The following EGLN1 variants were observed in gnomAD, a reference collection of about 807,000 sequenced individuals.
EGLN1 encodes egl nine homolog 1.
A neutral mutation model predicts 38.3 loss-of-function variants in EGLN1; 17 were observed. The observed-to-expected ratio is 0.44, with a 90% CI of 0.30 to 0.67. EGLN1 has a LOEUF of 0.67. EGLN1 is among the 30% of genes least tolerant of loss of function. The pLI is 0.08. For missense variants in EGLN1, 477 were observed against 603.3 expected (o/e 0.79, Z 2.19); for synonymous variants, 283 against 257.5 (o/e 1.10, Z -0.95).
At chr1:231,379,670 C>T (rs1688034290) in intron 1 of EGLN1, among the ~76,000 whole-genome samples, 1 of 152,132 alleles carries the variant, frequency 6.6e-6, no homozygotes, top group Admixed American at 6.5e-5. Flanking sequence ...ATAACAGATA[C>T]GTCAGTCCAC....
intron 1 of EGLN1, among the ~76,000 whole-genome samples, chr1:231,420,634 GTGGTACTCTAACACCCCTTCAC>G (rs1656549153): frequency 6.6e-6 from 1 of 152,142 alleles, no homozygotes; most frequent in South Asian, 2.1e-4. Flanking sequence ...CTTGCTTTGG[GTGGTACTCTAACACCCCTTCAC>G]TGGGTGGCTA....
At chr1:231,399,214 C>T (rs1688605150) in intron 1 of EGLN1, among the ~76,000 whole-genome samples, 1 of 152,152 alleles carries the variant, frequency 6.6e-6, no homozygotes, top group African/African-American at 2.4e-5. Context: ...TCAGCAACTA[C>T]AGTGTTTCAG....
At chr1:231,385,964 T>G (rs1688194637) in intron 1 of EGLN1, among the ~76,000 whole-genome samples, 1 of 152,140 alleles carries the variant, frequency 6.6e-6, no homozygotes, top group African/African-American at 2.4e-5. Flanking sequence ...CTCAGCCTCC[T>G]GAGTAGACTA....
At chr1:231,388,760 T>C (rs979275006) in intron 1 of EGLN1, among the ~76,000 whole-genome samples, 5 of 152,296 alleles carry the variant, frequency 3.3e-5, no homozygotes, top group Admixed American at 2.6e-4. Flanking sequence ...GTTCAAGCGA[T>C]TCTCCTGCCT....
chr1:231,420,281 C>A (rs1656531286), intron 1 of EGLN1: 1 of 152,288 alleles, frequency 6.6e-6, no homozygotes, highest in African/African-American at 2.4e-5. Flanking sequence ...AGAAGGATTA[C>A]ATTAACAAAG....
chr1:231,375,264 C>A (rs551934931), intron 1 of EGLN1, among the ~76,000 whole-genome samples: 8 of 147,178 alleles, frequency 5.4e-5, no homozygotes, highest in African/African-American at 1.5e-4. Flanking sequence ...CCATGTTGGC[C>A]AAGCTGGTCT....
intron 1 of EGLN1, among the ~76,000 whole-genome samples, chr1:231,389,904 C>T (rs916979458): frequency 1.3e-5 from 2 of 152,062 alleles, no homozygotes; most frequent in African/African-American, 4.8e-5. Context: ...ACTGAGATAG[C>T]GCCACTGTAC....
In EGLN1 at chr1:231,421,571, G is replaced by A. The variant is rs1055932887; in HGVS notation, c.318C>T (p.Asp106=). 3.0e-5 allele frequency: 39 copies of A among 1,307,920 alleles called. No individual in the cohort carries two copies. The African/African-American group carries it at 5.1e-4, about 17-fold the overall frequency. 81.0% of individuals were successfully genotyped at this position (1,307,920 alleles called of 1,614,324 possible). A position where few individuals can be genotyped will look rare whatever the true frequency, so the allele number is the denominator to read the frequency against. The change falls in exon 1 of 5, where the codon GAC becomes GAT. Residue 106 remains aspartate, a synonymous_variant. Coordinates refer to ENST00000366641, the MANE Select transcript of EGLN1 (RefSeq NM_022051.3). This position sits in a 1 kb window ranked among gnomAD's most constrained non-coding sequence, Gnocchi z 5.5. ...TGGCCTTTACTTTTCCCTTGGCCGC[G>A]TCCCCGGAGGCGTTGTCCCGGCGCG... is the stretch of plus-strand genomic sequence containing the variant. ...AAARRDNASG[D]AAKGKVKAKP...
intron 1 of EGLN1, among the ~76,000 whole-genome samples, 172 bp from the exon 2 acceptor site, chr1:231,374,271 A>C (rs563029310): frequency 6.6e-6 from 1 of 152,362 alleles, no homozygotes; most frequent in South Asian, 2.1e-4. Flanking sequence ...TATAGGGAAC[A>C]CAAGATAGGT....
At chr1:231,413,187 T>C (rs563862889) in intron 1 of EGLN1, among the ~76,000 whole-genome samples, 4 of 152,238 alleles carry the variant, frequency 2.6e-5, no homozygotes, top group African/African-American at 9.6e-5. Flanking sequence ...GTAATTCTCC[T>C]GCCTCAGCCT....
At chr1:231,388,178 C>T (rs1052199856) in intron 1 of EGLN1, among the ~76,000 whole-genome samples, 1 of 152,068 alleles carries the variant, frequency 6.6e-6, no homozygotes, top group Non-Finnish European at 1.5e-5. Context: ...AGTACCACTG[C>T]TAAAGGATAT....
intron 1 of EGLN1, among the ~76,000 whole-genome samples, chr1:231,378,378 G>A (rs555631336): frequency 7.9e-5 from 12 of 151,994 alleles, no homozygotes; most frequent in African/African-American, 2.2e-4. Context: ...ATTTCCCATC[G>A]AGAAAAACCT....
intron 1 of EGLN1, among the ~76,000 whole-genome samples, chr1:231,399,911 A>G (rs150788441): frequency 6.6e-6 from 1 of 152,138 alleles, no homozygotes; most frequent in African/African-American, 2.4e-5. Flanking sequence ...ACAACTTTCA[A>G]AAGTTTAGTT....
chr1:231,383,299 T>A (rs1688118613), intron 1 of EGLN1, among the ~76,000 whole-genome samples: 1 of 152,094 alleles, frequency 6.6e-6, no homozygotes, highest in African/African-American at 2.4e-5. Flanking sequence ...AGAACAGCAG[T>A]ACCTCTCAAT....
At position 231,366,121 on chromosome 1, in the gene EGLN1, T is replaced by G. The variant is rs757801410; in HGVS notation, c.*290A>C. The G allele has an allele frequency of 8.0e-5, 35 of 437,352 alleles. No homozygotes were observed. Among genetic ancestry groups the G allele is most frequent in the Non-Finnish European group, 1.3e-4 (33 of 245,438 alleles). The allele number at this position is 437,352 out of a possible 1,614,324, so 27.1% of individuals were successfully genotyped here. ...TAACAGATCTGGCAAAATATAAGAA[T>G]GAAAAAAATTCTACACAGGGCACTT... On this transcript the variant is annotated 3_prime_UTR_variant, in exon 5 of 5. Transcript: ENST00000366641.
At chr1:231,371,112 A>T (rs1687811464) in intron 2 of EGLN1, among the ~76,000 whole-genome samples, 1 of 152,094 alleles carries the variant, frequency 6.6e-6, no homozygotes, top group South Asian at 2.1e-4. Flanking sequence ...CTGGACTCGA[A>T]CTCCTGACCT....
chr1:231,376,210 C>T (rs896319443), intron 1 of EGLN1, among the ~76,000 whole-genome samples: 1 of 152,136 alleles, frequency 6.6e-6, no homozygotes, highest in African/African-American at 2.4e-5. Flanking sequence ...ATAGAAAATT[C>T]CAGAAATAAA....
chr1:231,416,298 C>A (rs1055521305), intron 1 of EGLN1, among the ~76,000 whole-genome samples: 1 of 151,968 alleles, frequency 6.6e-6, no homozygotes, highest in East Asian at 1.9e-4. Context: ...CACATCTGGC[C>A]CGGAATCCAT....
chr1:231,373,803 T>C (rs888382994), intron 2 of EGLN1, among the ~76,000 whole-genome samples, 177 bp downstream of exon 2: 3 of 152,168 alleles, frequency 2.0e-5, no homozygotes, highest in African/African-American at 4.8e-5. Flanking sequence ...TTGTATAACA[T>C]AGAGTAGTAT....
Sources: allele counts gnomAD v4.1 joint callset (sites outside exome capture counted in the v4.1 genomes callset), GRCh38; gene constraint gnomAD v4.1.1; non-coding constraint Gnocchi (gnomAD v3.1); transcripts MANE v1.5; gene names NCBI Gene and HGNC (gene_info 2026-07-23, HGNC 2026-07-21).